The following PCGF2 variants were observed in gnomAD, a reference collection of about 807,000 sequenced individuals.
The protein encoded by PCGF2 is polycomb group ring finger 2.
PCGF2 carries 8 observed loss-of-function variants against 36.1 expected under a neutral mutation model. The ratio of observed to expected loss-of-function variants is 0.22; its 90% confidence interval spans 0.13 to 0.40. PCGF2 has a LOEUF of 0.40. Ranked by LOEUF, PCGF2 falls within the 10% of genes least tolerant of loss-of-function variation. The probability of loss-of-function intolerance (pLI) is 1.00; values close to 1 mark genes in which losing one functional copy is unlikely to be tolerated. For missense variants in PCGF2, 436 were observed against 475.9 expected (o/e 0.92, Z 0.78); for synonymous variants, 198 against 191.2 (o/e 1.04, Z -0.29).
At position 38,734,527 on chromosome 17, in the gene PCGF2, GAAAA is replaced by G. The variant is rs5820265; in HGVS notation, c.*692_*695del. On this transcript the variant is annotated 3_prime_UTR_variant, in exon 11 of 11. Coordinates refer to ENST00000620225, the MANE Select transcript of PCGF2 (RefSeq NM_007144.3). ...AATGATGCAAAGGCCACACACACAGGAAAAAAAAAAAAAGAGGCAGAACTATCTA... is the reference window on the plus strand; with the variant it reads ...AATGATGCAAAGGCCACACACACAGGAAAAAAAAAGAGGCAGAACTATCTA... The G allele has an allele frequency of 2.1e-5, 3 of 144,278 alleles. No individual in the cohort carries two copies. The highest frequency in any genetic ancestry group is 2.5e-5 in the African/African-American group (1 of 39,230). The allele number at this position is 144,278 out of a possible 1,614,324, so 8.9% of individuals were successfully genotyped here.
In PCGF2 at chr17:38,734,954, CA is replaced by C. The variant is rs1011833919; in HGVS notation, c.*268del. On this transcript the variant is annotated 3_prime_UTR_variant, in exon 11 of 11. Coordinates refer to ENST00000620225, the MANE Select transcript of PCGF2 (RefSeq NM_007144.3). Reference sequence around the variant, plus strand: ...ACAGCAAATTACACAAGACCCCCCCCAAAAAAAATGAACACCATTTTCCACA... The same window carrying C: ...ACAGCAAATTACACAAGACCCCCCCCAAAAAAATGAACACCATTTTCCACA... The C allele has an allele frequency of 7.1e-4, 212 of 298,468 alleles. 1 individual carries two copies. The highest frequency in any genetic ancestry group is 9.2e-4 in the Non-Finnish European group (151 of 164,810). 18.5% of individuals were successfully genotyped at this position (298,468 alleles called of 1,614,324 possible). A position where few individuals can be genotyped will look rare whatever the true frequency, so the allele number is the denominator to read the frequency against.
intron 2 of PCGF2, among the ~76,000 whole-genome samples, chr17:38,747,610 G>A (rs1184355310): frequency 1.3e-5 from 2 of 152,122 alleles, no homozygotes; most frequent in African/African-American, 4.8e-5. Flanking sequence ...ACCGGCGGGG[G>A]GAGGTGCCCG....
At position 38,739,743 on chromosome 17, in the gene PCGF2, C is replaced by T. The variant is rs952605153; in HGVS notation, c.113-61G>A. 1.4e-5 allele frequency: 17 copies of T among 1,221,912 alleles called. No homozygotes were observed. The African/African-American group carries it at 2.5e-4, about 18-fold the overall frequency. The allele number at this position is 1,221,912 out of a possible 1,614,324, so 75.7% of individuals were successfully genotyped here. On this transcript the variant is annotated intron_variant, in intron 3 of 10. Transcript: ENST00000620225. The surrounding 1 kb of genome is among the most constrained non-coding windows in gnomAD (Gnocchi z 4.0). ...CAACTTCCAACTCCAGGACCAGCCT[C>T]CCCGCCCTCTGCTCAGACTCAGATA...
At chr17:38,736,020 C>T (rs1483672601) in intron 10 of PCGF2, 70 bp downstream of exon 10, 40 of 1,006,470 alleles carry the variant, frequency 4.0e-5, no homozygotes, top group Middle Eastern at 4.0e-4. Flanking sequence ...GAAGGGTGGC[C>T]CATGTGGCCA....
At chr17:38,749,597 G>A (rs983349477), upstream of PCGF2, 78 of 454,616 alleles carry the variant, frequency 1.7e-4, no homozygotes, top group Non-Finnish European at 3.0e-4. This position sits in a 1 kb window ranked among gnomAD's most constrained non-coding sequence, Gnocchi z 6.5. Context: ...CATCCGGCCA[G>A]CAGCGCCATT....
chr17:38,735,628 CAG>C (rs1370138575), intron 10 of PCGF2, 28 bp from the exon 11 acceptor site: 2 of 1,523,986 alleles, frequency 1.3e-6, no homozygotes, highest in Admixed American at 3.8e-5. Context: ...AGGAGAGACA[CAG>C]GGAAGGGGAA....
At chr17:38,749,773 G>A (rs1567639779), upstream of PCGF2, 4 of 454,756 alleles carry the variant, frequency 8.8e-6, no homozygotes, top group South Asian at 3.1e-5. The surrounding 1 kb of genome is among the most constrained non-coding windows in gnomAD (Gnocchi z 6.5). Context: ...CAGGAGACCT[G>A]CGCACACTGG....
chr17:38,748,569 C>T (rs2082242804), upstream of PCGF2, among the ~76,000 whole-genome samples: 2 of 152,092 alleles, frequency 1.3e-5, no homozygotes, highest in African/African-American at 4.8e-5. Flanking sequence ...AGGACGAGAC[C>T]CCTCCCTTCC....
chr17:38,742,873 T>C (rs1027154720), intron 2 of PCGF2, among the ~76,000 whole-genome samples: 3 of 152,212 alleles, frequency 2.0e-5, no homozygotes, highest in Non-Finnish European at 4.4e-5. Flanking sequence ...TGCATCTATG[T>C]GTGTGTGCAG....
intron 2 of PCGF2, among the ~76,000 whole-genome samples, chr17:38,741,161 G>C (rs1907177407): frequency 6.6e-6 from 1 of 151,656 alleles, no homozygotes; most frequent in Admixed American, 6.6e-5. Flanking sequence ...GCTGTGGCAG[G>C]AGGATCCTCC....
In PCGF2 at chr17:38,747,589, G is replaced by C. The variant is rs535529997; in HGVS notation, c.-41+290C>G. 2.0e-5 allele frequency among the ~76,000 whole-genome samples: 3 copies of C among 152,044 alleles called. No homozygotes were observed. In the South Asian group the frequency reaches 6.2e-4, roughly 32 times the overall value. Reference sequence around the variant, plus strand: ...GGGGGCGGGGCGCCGGCGCCGGGACGGGGAGCGGGGACCGGCGGGGGGAGG... The same window carrying C: ...GGGGGCGGGGCGCCGGCGCCGGGACCGGGAGCGGGGACCGGCGGGGGGAGG... On this transcript the variant is annotated intron_variant, in intron 2 of 10. Coordinates refer to ENST00000620225, the MANE Select transcript of PCGF2 (RefSeq NM_007144.3).
At chr17:38,747,332 G>T (rs1457871218) in intron 2 of PCGF2, among the ~76,000 whole-genome samples, 1 of 152,150 alleles carries the variant, frequency 6.6e-6, no homozygotes, top group Admixed American at 6.5e-5. Flanking sequence ...CCCAGGGGAA[G>T]GGGGGCCAGT....
rs1251160108 is a variant in PCGF2, at chr17:38,740,374, G to C, written c.29C>G (p.Thr10Arg). The change falls in exon 3 of 11, where the codon ACA becomes AGA. Residue 10 changes from threonine (T) to arginine (R), a missense_variant. By Grantham distance (71) the Thr-to-Arg change is moderately conservative. Around this residue, in one of 3 missense-constraint regions of PCGF2, gnomAD observed 189 missense variants for 219.3 expected, o/e 0.86. Coordinates refer to ENST00000620225, the MANE Select transcript of PCGF2 (RefSeq NM_007144.3). MHRTTRIKI[T>R]ELNPHLMCAL... Reference sequence around the variant, plus strand: ...ACACATGAGGTGGGGGTTCAGCTCTGTGATTTTGATCCGTGTAGTCCGATG... The same window carrying C: ...ACACATGAGGTGGGGGTTCAGCTCTCTGATTTTGATCCGTGTAGTCCGATG... The C allele has an allele frequency of 6.3e-7, 1 of 1,587,190 alleles. No individual in the cohort carries two copies. The highest frequency in any genetic ancestry group is 2.3e-5 in the East Asian group (1 of 43,868).
intron 2 of PCGF2, 89 bp from the exon 3 acceptor site, chr17:38,740,531 G>A (rs966454451): frequency 2.9e-5 from 26 of 889,254 alleles, no homozygotes; most frequent in Middle Eastern, 3.4e-4. Context: ...AGGCCAAGGC[G>A]GGCGGATCAC....
At chr17:38,736,210 C>G in intron 9 of PCGF2, 40 bp from the exon 10 acceptor site, 1 of 1,368,458 alleles carries the variant, frequency 7.3e-7, no homozygotes, top group Non-Finnish European at 1.0e-6. Context: ...CCCTGGCCAG[C>G]TCGGGGCTCC....
In PCGF2 at chr17:38,745,904, G is replaced by A. The variant is rs182153089; in HGVS notation, c.-41+1975C>T. Among the ~76,000 whole-genome samples the A allele has an allele frequency of 2.0e-4, 31 of 152,330 alleles. 1 individual carries two copies. Among genetic ancestry groups the A allele is most frequent in the Admixed American group, 1.7e-3 (26 of 15,300 alleles). On this transcript the variant is annotated intron_variant, in intron 2 of 10. Transcript: ENST00000620225. ...TCCTACACATAGGGAAACAGAGGCT[G>A]CAGGGAAGCACAGCCAGCCAGAGTA...
In PCGF2 at chr17:38,738,788, A is replaced by T. The variant is rs759798973; in HGVS notation, c.390T>A (p.Ile130=). 1.9e-6 allele frequency: 3 copies of T among 1,613,918 alleles called. No individual in the cohort carries two copies. Among genetic ancestry groups the T allele is most frequent in the Non-Finnish European group, 2.5e-6 (3 of 1,179,946 alleles). The change falls in exon 7 of 11, where the codon ATT becomes ATA. Residue 130 remains isoleucine (I), a synonymous_variant. Transcript: ENST00000620225. ...QEKGALSDDE[I]VSLSIEFYEG... Reference sequence around the variant, plus strand: ...CGTAGAATTCGATGGAGAGGCTGACAATCTCATCATCACTCAGAGCCCCCT... The same window carrying T: ...CGTAGAATTCGATGGAGAGGCTGACTATCTCATCATCACTCAGAGCCCCCT...
At chr17:38,747,125 A>G (rs1907582095) in intron 2 of PCGF2, among the ~76,000 whole-genome samples, 1 of 151,940 alleles carries the variant, frequency 6.6e-6, no homozygotes, top group Non-Finnish European at 1.5e-5. Context: ...TTCACTGGCA[A>G]ATCCACCCGC....
At chr17:38,736,635 C>A (rs533077581) in intron 9 of PCGF2, among the ~76,000 whole-genome samples, 5 of 151,536 alleles carry the variant, frequency 3.3e-5, no homozygotes, top group Admixed American at 1.3e-4. Flanking sequence ...GAGATCGAGA[C>A]CATCCTGGCT....
Sources: allele counts gnomAD v4.1 joint callset (sites outside exome capture counted in the v4.1 genomes callset), GRCh38; gene constraint gnomAD v4.1.1; regional missense constraint gnomAD v4.1.1; non-coding constraint Gnocchi (gnomAD v3.1); transcripts MANE v1.5; gene names NCBI Gene and HGNC (gene_info 2026-07-23, HGNC 2026-07-21).